MICAL2: variants seen among roughly 807,000 people sequenced by gnomAD.
The protein encoded by MICAL2 is [F-actin]-monooxygenase MICAL2.
A neutral mutation model predicts 127.3 loss-of-function variants in MICAL2; 77 were observed. The observed-to-expected ratio is 0.60, with a 90% CI of 0.50 to 0.73. The LOEUF is 0.73. Ranked by LOEUF, MICAL2 falls within the 30% of genes least tolerant of loss-of-function variation. The probability of loss-of-function intolerance (pLI) is 0.00; values close to 1 mark genes in which losing one functional copy is unlikely to be tolerated. For missense variants in MICAL2, 1,351 were observed against 1,434.4 expected, an observed-to-expected ratio of 0.94 and a Z score of 0.94; for synonymous variants, 570 against 551.1, an observed-to-expected ratio of 1.03 and a Z score of -0.48.
chr11:12,295,580 G>A (rs1272086985), downstream of MICAL2, among the ~76,000 whole-genome samples: 3 of 148,706 alleles, frequency 2.0e-5, no homozygotes, highest in Non-Finnish European at 4.5e-5. Flanking sequence ...TATTTTTTGT[G>A]GAGATGGAGT....
intron 1 of MICAL2, among the ~76,000 whole-genome samples, chr11:12,126,086 G>T (rs951862200): frequency 1.3e-5 from 2 of 152,236 alleles, no homozygotes; most frequent in African/African-American, 4.8e-5. Flanking sequence ...GCCTGGCATA[G>T]GCCAGCACAT....
chr11:12,142,724 G>A (rs2133641681), intron 2 of MICAL2, among the ~76,000 whole-genome samples: 1 of 152,360 alleles, frequency 6.6e-6, no homozygotes, highest in Middle Eastern at 3.4e-3. Context: ...CCTCATAGCA[G>A]CTCTCTGAGA....
downstream of MICAL2, among the ~76,000 whole-genome samples, chr11:12,292,788 C>G (rs1162152959): frequency 6.6e-6 from 1 of 152,164 alleles, no homozygotes; most frequent in Non-Finnish European, 1.5e-5. Flanking sequence ...ACCTGCCAGG[C>G]CTGTTCTAGA....
intron 3 of MICAL2, among the ~76,000 whole-genome samples, chr11:12,181,878 A>G (rs1180902193): frequency 6.6e-6 from 1 of 152,222 alleles, no homozygotes; most frequent in Non-Finnish European, 1.5e-5. Context: ...TTGAATGAAG[A>G]AAAAACCCTT....
chr11:12,357,666 G>T (rs532879386), intron 34 of MICAL2, among the ~76,000 whole-genome samples: 1 of 151,914 alleles, frequency 6.6e-6, no homozygotes, highest in African/African-American at 2.4e-5. Flanking sequence ...GTGAAACCCC[G>T]TCTCTACTAA....
rs765131110 is a variant in MICAL2, at chr11:12,256,889, C to T, written c.3060C>T (p.His1020=). ...TGGAACGGCTGAGCGCCGAGGGCCA[C>T]TTCTTCCACCGGGAGTGTTTCCGCT... The part of the protein sequence containing the change: ...YVMERLSAEG[H]FFHRECFRCS... Residue 1020 remains histidine, a synonymous_variant, in exon 24 of 28, where the codon CAC becomes CAT. Coordinates refer to ENST00000683283, the MANE Select transcript of MICAL2 (RefSeq NM_001282663.2). 2 of 1,614,222 alleles carry T rather than the reference C, an allele frequency of 1.2e-6. No individual in the cohort carries two copies. Among genetic ancestry groups the T allele is most frequent in the Non-Finnish European group, 1.7e-6 (2 of 1,180,030 alleles).
intron 14 of MICAL2, 139 bp downstream of exon 14, chr11:12,226,509 G>A (rs550355573): frequency 3.9e-6 from 3 of 761,894 alleles, no homozygotes; most frequent in South Asian, 3.7e-5. Flanking sequence ...CCAAACAGGG[G>A]TGACTCCACT....
intron 29 of MICAL2, among the ~76,000 whole-genome samples, chr11:12,319,038 T>C (rs1381397812): frequency 6.6e-6 from 1 of 152,238 alleles, no homozygotes; most frequent in African/African-American, 2.4e-5. Context: ...GTTGGGAAAA[T>C]AAAAATGGCA....
intron 3 of MICAL2, among the ~76,000 whole-genome samples, chr11:12,185,328 G>A: frequency 6.6e-6 from 1 of 151,974 alleles, no homozygotes; most frequent in Non-Finnish European, 1.5e-5. Flanking sequence ...AGCACTGCTG[G>A]GATAAAAACC....
At chr11:12,346,647 A>G (rs976408877) in intron 32 of MICAL2, among the ~76,000 whole-genome samples, 2 of 151,964 alleles carry the variant, frequency 1.3e-5, no homozygotes, top group South Asian at 2.1e-4. Flanking sequence ...TTCTCCACAC[A>G]CAATTAATTG....
intron 2 of MICAL2, among the ~76,000 whole-genome samples, chr11:12,282,095 G>A (rs1264542423): frequency 6.6e-6 from 1 of 152,200 alleles, no homozygotes; most frequent in East Asian, 1.9e-4. Flanking sequence ...GGTTTCCCAG[G>A]AAGACGAGGG....
intron 32 of MICAL2, among the ~76,000 whole-genome samples, chr11:12,347,737 C>T (rs891983208): frequency 3.3e-5 from 5 of 152,016 alleles, no homozygotes; most frequent in Admixed American, 1.3e-4. Context: ...AATTATATAA[C>T]GTATACTACA....
downstream of MICAL2, chr11:12,294,448 T>A: frequency 6.2e-7 from 1 of 1,614,228 alleles, no homozygotes; most frequent in Non-Finnish European, 8.5e-7. Flanking sequence ...TTAGCCCTCC[T>A]GACCCTGCCC....
intron 5 of MICAL2, chr11:12,208,467 T>C: frequency 4.0e-6 from 1 of 250,414 alleles, no homozygotes. Context: ...CATTCACGTG[T>C]TCTTCAAGCT....
chr11:12,145,726 G>T (rs1348141008), intron 2 of MICAL2, among the ~76,000 whole-genome samples: 1 of 152,200 alleles, frequency 6.6e-6, no homozygotes, highest in African/African-American at 2.4e-5. Context: ...GTCCATGCAG[G>T]TGTATACACC....
intron 2 of MICAL2, among the ~76,000 whole-genome samples, chr11:12,157,032 A>G (rs1446414973): frequency 6.6e-6 from 1 of 152,156 alleles, no homozygotes; most frequent in Non-Finnish European, 1.5e-5. Flanking sequence ...TGACCTTGAA[A>G]CAGATTTTGT....
chr11:12,212,572 G>A (rs964511181), intron 6 of MICAL2, among the ~76,000 whole-genome samples: 3 of 152,158 alleles, frequency 2.0e-5, no homozygotes, highest in Admixed American at 6.5e-5. Flanking sequence ...GCCAGTTACT[G>A]GGAACTGGTG....
chr11:12,312,692 T>C (rs1371314500), intron 29 of MICAL2, among the ~76,000 whole-genome samples: 2 of 152,180 alleles, frequency 1.3e-5, no homozygotes, highest in Non-Finnish European at 2.9e-5. Flanking sequence ...TTTTTATGCT[T>C]AGGTTCAACA....
downstream of MICAL2, among the ~76,000 whole-genome samples, chr11:12,268,720 G>A (rs886573685): frequency 2.6e-4 from 39 of 152,218 alleles, no homozygotes; most frequent in African/African-American, 8.7e-4. Flanking sequence ...GCCGGGCGCG[G>A]TCGCTCACGC....
Sources: gnomAD v4.1 joint callset for allele counts (sites outside exome capture counted in the v4.1 genomes callset) on GRCh38, gnomAD v4.1.1 for gene constraint, MANE v1.5 for transcripts, NCBI Gene and HGNC (gene_info 2026-07-23, HGNC 2026-07-21) for gene names.